PCBP3: variants seen among roughly 807,000 people sequenced by gnomAD.
PCBP3 encodes poly(rC)-binding protein 3.
Under a neutral mutation model 52.7 loss-of-function variants are expected in PCBP3, and 25 were observed. That is an observed-to-expected ratio of 0.47 (90% CI 0.35 to 0.66). The LOEUF is 0.66. Ranked by LOEUF, PCBP3 falls within the 30% of genes least tolerant of loss-of-function variation. PCBP3 has a pLI of 0.01. For missense variants in PCBP3, 391 were observed against 490.3 expected, an observed-to-expected ratio of 0.80 and a Z score of 1.91; for synonymous variants, 162 against 183.0, an observed-to-expected ratio of 0.89 and a Z score of 0.93.
At chr21:45,702,556 CAATG>C (rs1448570056) in intron 2 of PCBP3, among the ~76,000 whole-genome samples, 4 of 152,138 alleles carry the variant, frequency 2.6e-5, no homozygotes, top group Admixed American at 2.6e-4. Flanking sequence ...TGTCTAAAAA[CAATG>C]TATGTGCCTT....
rs1462092833 is a variant in PCBP3 at position 45,821,315 on chromosome 21, C to T, written c.-125-28646C>T. The stretch of plus-strand genomic sequence containing the variant: ...ACACTGGCCCAGCACACACTGAGCT[C>T]CAGCCTGATGTCCAGCCCAGGAGGT... On this transcript the variant is annotated intron_variant, in intron 4 of 17. Coordinates refer to ENST00000681687, the MANE Select transcript of PCBP3 (RefSeq NM_001384156.1). The surrounding 1 kb of genome is among the most constrained non-coding windows in gnomAD (Gnocchi z 4.4). Among the ~76,000 whole-genome samples, 1 of 152,078 alleles carries T rather than the reference C, an allele frequency of 6.6e-6. No homozygotes were observed.
rs192036355 is a variant in PCBP3, at chr21:45,723,974, T to C, written c.-199-11418T>C. On this transcript the variant is annotated intron_variant, in intron 2 of 17. Transcript: ENST00000681687. ...GTTGAATCTTCCTTGCCCGTCCTCCTCCAGCATAAGCTGTTTTAAATTCTA... is the reference window on the plus strand; with the variant it reads ...GTTGAATCTTCCTTGCCCGTCCTCCCCCAGCATAAGCTGTTTTAAATTCTA... Among the ~76,000 whole-genome samples the C allele has an allele frequency of 3.3e-4, 50 of 152,340 alleles. No individual in the cohort carries two copies. The East Asian group carries it at 6.2e-3, about 19-fold the overall frequency.
chr21:45,715,333 G>A (rs1274747006), intron 2 of PCBP3, among the ~76,000 whole-genome samples: 3 of 152,054 alleles, frequency 2.0e-5, no homozygotes, highest in Non-Finnish European at 4.4e-5. Flanking sequence ...TAAGTATATC[G>A]ATGTCTATTA....
intron 4 of PCBP3, among the ~76,000 whole-genome samples, chr21:45,801,076 A>C (rs1380261629): frequency 1.3e-5 from 2 of 152,176 alleles, no homozygotes; most frequent in Non-Finnish European, 2.9e-5. Flanking sequence ...ACCAGCCATC[A>C]TTCTATCACC....
intron 1 of PCBP3, among the ~76,000 whole-genome samples, chr21:45,655,649 A>G (rs1368888559): frequency 6.6e-6 from 1 of 152,212 alleles, no homozygotes; most frequent in Non-Finnish European, 1.5e-5. Context: ...AGAAGCCAAA[A>G]TTAACAAATG....
At chr21:45,813,833 G>A (rs1287346970) in intron 4 of PCBP3, among the ~76,000 whole-genome samples, 1 of 152,170 alleles carries the variant, frequency 6.6e-6, no homozygotes, top group Non-Finnish European at 1.5e-5. Context: ...TTATTTTTAT[G>A]GACTAAATTT....
In PCBP3 at chr21:45,817,250, G is replaced by A. The variant is rs187096092; in HGVS notation, c.-125-32711G>A. 2.0e-5 allele frequency among the ~76,000 whole-genome samples: 3 copies of A among 152,312 alleles called. No individual in the cohort carries two copies. Among genetic ancestry groups the A allele is most frequent in the Admixed American group, 2.0e-4 (3 of 15,306 alleles). On this transcript the variant is annotated intron_variant, in intron 4 of 17. Coordinates refer to ENST00000681687, the MANE Select transcript of PCBP3 (RefSeq NM_001384156.1). This position sits in a 1 kb window ranked among gnomAD's most constrained non-coding sequence, Gnocchi z 4.3. ...CTTAACGTTGTCCTCCTCCTAAGGT[G>A]TAGCCTTTCATGGGTCTCAAGTGAA... is the stretch of plus-strand genomic sequence containing the variant.
At position 45,805,076 on chromosome 21, in the gene PCBP3, G is replaced by A. The variant is rs986879621; in HGVS notation, c.-125-44885G>A. 2.6e-5 allele frequency among the ~76,000 whole-genome samples: 4 copies of A among 152,156 alleles called. No homozygotes were observed. The highest frequency in any genetic ancestry group is 4.8e-5 in the African/African-American group (2 of 41,430). On this transcript the variant is annotated intron_variant, in intron 4 of 17. Transcript: ENST00000681687. The surrounding 1 kb of genome is among the most constrained non-coding windows in gnomAD (Gnocchi z 4.6). ...GCACAGCCCTGCTGTGGGGAGAGCC[G>A]TGCAGCCCCAGGCCGTGTGTGGGAA...
At chr21:45,889,627 G>A (rs2095604486) in intron 5 of PCBP3, among the ~76,000 whole-genome samples, 1 of 152,232 alleles carries the variant, frequency 6.6e-6, no homozygotes, top group Non-Finnish European at 1.5e-5. Flanking sequence ...GAGGCGGGGA[G>A]CTTCAGGCCT....
chr21:45,913,502 C>T (rs2096443393), intron 11 of PCBP3, among the ~76,000 whole-genome samples: 4 of 152,300 alleles, frequency 2.6e-5, no homozygotes, highest in Middle Eastern at 3.4e-3. Context: ...GGGCCCTGCG[C>T]ATCCCAGGAG....
At chr21:45,699,757 T>C (rs567631656) in intron 2 of PCBP3, among the ~76,000 whole-genome samples, 1 of 152,230 alleles carries the variant, frequency 6.6e-6, no homozygotes, top group South Asian at 2.1e-4. Context: ...CATCAGATCT[T>C]AAGAGACTTA....
intron 16 of PCBP3, among the ~76,000 whole-genome samples, chr21:45,936,683 T>C (rs2076931183): frequency 6.6e-6 from 1 of 152,204 alleles, no homozygotes; most frequent in African/African-American, 2.4e-5. Context: ...TCCTGTGGGG[T>C]TTTCCTTCTT....
intron 4 of PCBP3, among the ~76,000 whole-genome samples, chr21:45,783,670 G>T (rs2090823153): frequency 6.6e-6 from 1 of 152,222 alleles, no homozygotes; most frequent in Admixed American, 6.5e-5. Flanking sequence ...TCAGTGCACG[G>T]CCTGAGCTGC....
Position 45,855,301 on chromosome 21 carries a change from A to T in PCBP3, c.10+5206A>T, listed in dbSNP as rs188228209. Among the ~76,000 whole-genome samples, 21 of 152,276 alleles carry T rather than the reference A, an allele frequency of 1.4e-4. No homozygotes were observed. The East Asian group carries it at 3.7e-3, about 27-fold the overall frequency. On this transcript the variant is annotated intron_variant, in intron 5 of 17. Coordinates refer to ENST00000681687, the MANE Select transcript of PCBP3 (RefSeq NM_001384156.1). Reference sequence around the variant, plus strand: ...GGGAGGCACAGGGAGGCCAGCACAGACGCAGGCTCCGGAAGCCCACGGAGA... The same window carrying T: ...GGGAGGCACAGGGAGGCCAGCACAGTCGCAGGCTCCGGAAGCCCACGGAGA...
intron 10 of PCBP3, among the ~76,000 whole-genome samples, chr21:45,909,792 C>CCCCCCCCCCACCCACTGCCCAGATACGGA: frequency 2.7e-4 from 1 of 3,748 alleles, no homozygotes; most frequent in Non-Finnish European, 5.4e-4. Context: ...AGATACGGAC[C>CCCCCCCCCCACCCACTGCCCAGATACGGA]CCCCCCCCAC....
chr21:45,735,349 A>T lies in PCBP3; in HGVS notation c.-199-43A>T, dbSNP rs1046953297. 1 of 152,190 alleles carries T rather than the reference A, an allele frequency of 6.6e-6. No individual in the cohort carries two copies. The highest frequency in any genetic ancestry group is 2.4e-5 in the African/African-American group (1 of 41,452). 9.4% of individuals were successfully genotyped at this position (152,190 alleles called of 1,614,324 possible). The stretch of plus-strand genomic sequence containing the variant: ...ATTTCTGTCTCTCTTTGGAAAGCCT[A>T]TGATTTCCAATTTTAATTGTTTTTT... On this transcript the variant is annotated intron_variant, in intron 2 of 17. Transcript: ENST00000681687. The surrounding 1 kb of genome is among the most constrained non-coding windows in gnomAD (Gnocchi z 4.0).
At chr21:45,722,102 C>T (rs2084689730) in intron 2 of PCBP3, among the ~76,000 whole-genome samples, 1 of 152,088 alleles carries the variant, frequency 6.6e-6, no homozygotes, top group East Asian at 1.9e-4. Context: ...GGAAGCAACC[C>T]AAATACCCAG....
At chr21:45,661,709 A>G (rs1457026414) in intron 1 of PCBP3, among the ~76,000 whole-genome samples, 1 of 152,126 alleles carries the variant, frequency 6.6e-6, no homozygotes, top group East Asian at 1.9e-4. Flanking sequence ...TTCTATTTCT[A>G]TTTTTAGTTC....
chr21:45,840,911 G>C (rs376843686), intron 4 of PCBP3, among the ~76,000 whole-genome samples: 8 of 152,074 alleles, frequency 5.3e-5, no homozygotes, highest in Admixed American at 5.2e-4. Context: ...CACTGCACCC[G>C]GCCTTTTAAA....
Sources: gnomAD v4.1 joint callset for allele counts (sites outside exome capture counted in the v4.1 genomes callset) on GRCh38, gnomAD v4.1.1 for gene constraint, Gnocchi (gnomAD v3.1) non-coding constraint, MANE v1.5 for transcripts, NCBI Gene and HGNC (gene_info 2026-07-23, HGNC 2026-07-21) for gene names.